The following DACH2 variants were observed in gnomAD, a reference collection of about 807,000 sequenced individuals.
DACH2 encodes dachshund homolog 2.
Under a neutral mutation model 35.8 loss-of-function variants are expected in DACH2, and 17 were observed. That is an observed-to-expected ratio of 0.48 (90% CI 0.33 to 0.71). The LOEUF is 0.71. Ranked by LOEUF, DACH2 falls within the 30% of genes least tolerant of loss-of-function variation. The pLI is 0.02. For synonymous variants in DACH2, 195 were observed against 177.3 expected (o/e 1.10, Z -0.79); for missense variants, 469 against 472.7 (o/e 0.99, Z 0.07).
chrX:86,575,832 G>T (rs770599741), intron 3 of DACH2, among the ~76,000 whole-genome samples: 6 of 111,452 alleles, frequency 5.4e-5, no homozygotes, highest in Non-Finnish European at 9.4e-5. Flanking sequence ...ATAGATGGTA[G>T]CCTCCCCTCA....
intron 7 of DACH2, among the ~76,000 whole-genome samples, chrX:86,773,077 A>G (rs996266115): frequency 2.7e-5 from 3 of 111,588 alleles, no homozygotes; most frequent in African/African-American, 9.7e-5. Flanking sequence ...AATTATTTGT[A>G]ACTAAACCGG....
intron 1 of DACH2, among the ~76,000 whole-genome samples, chrX:86,198,659 A>G (rs1293746413): frequency 8.9e-6 from 1 of 111,791 alleles, no homozygotes; most frequent in African/African-American, 3.2e-5. Flanking sequence ...AAACCAGAAA[A>G]TCTAGAAGAA....
At chrX:86,737,161 T>C (rs1159667651) in intron 6 of DACH2, among the ~76,000 whole-genome samples, 1 of 112,022 alleles carries the variant, frequency 8.9e-6, no homozygotes, top group Non-Finnish European at 1.9e-5. Flanking sequence ...TGTATGGATA[T>C]TGCTGTCAGT....
chrX:86,399,923 G>T (rs2036388789), intron 2 of DACH2, among the ~76,000 whole-genome samples: 1 of 111,347 alleles, frequency 9.0e-6, no homozygotes, highest in South Asian at 3.8e-4. Context: ...TTTGAGTGTT[G>T]GCCTGCCTTG....
chrX:86,588,190 CT>C (rs1483883925), intron 3 of DACH2, among the ~76,000 whole-genome samples: 2 of 110,231 alleles, frequency 1.8e-5, no homozygotes, highest in African/African-American at 3.3e-5. Context: ...GGGGTGCAGC[CT>C]TTTTTCTAGG....
At chrX:86,320,048 A>G in intron 1 of DACH2, among the ~76,000 whole-genome samples, 1 of 111,814 alleles carries the variant, frequency 8.9e-6, no homozygotes. Flanking sequence ...CTCTAATTCC[A>G]GGAGTTCCAT....
chrX:86,505,995 T>C (rs933826392), intron 2 of DACH2, among the ~76,000 whole-genome samples: 1 of 111,948 alleles, frequency 8.9e-6, no homozygotes, highest in Non-Finnish European at 1.9e-5. Flanking sequence ...CAGCTCAATA[T>C]GGCCAAACTA....
At chrX:86,784,056 G>A (rs1464228989) in intron 7 of DACH2, among the ~76,000 whole-genome samples, 1 of 110,252 alleles carries the variant, frequency 9.1e-6, no homozygotes, top group Non-Finnish European at 1.9e-5. Context: ...TCTCCATGAT[G>A]TGCTTATTTC....
intron 1 of DACH2, among the ~76,000 whole-genome samples, chrX:86,305,750 A>T (rs375890614): frequency 9.0e-6 from 1 of 111,575 alleles, no homozygotes; most frequent in Non-Finnish European, 1.9e-5. Context: ...AAACACCCTA[A>T]ATAATCTGAT....
At chrX:86,643,446 G>C (rs999586955) in intron 3 of DACH2, among the ~76,000 whole-genome samples, 2 of 109,437 alleles carry the variant, frequency 1.8e-5, no homozygotes, top group Non-Finnish European at 3.8e-5. Flanking sequence ...GACCAATAAC[G>C]AGCTCTGAAA....
At position 86,255,889 on chromosome X, in the gene DACH2, C is replaced by T. The variant is rs189067354; in HGVS notation, c.488+106781C>T. ...CACACATAATTAACACAAAAAATTT[C>T]CAACAAAATATATAAATTATAACAT... is the stretch of plus-strand genomic sequence containing the variant. On this transcript the variant is annotated intron_variant, in intron 1 of 11. Transcript: ENST00000373125. 1.1e-3 allele frequency among the ~76,000 whole-genome samples: 121 copies of T among 110,997 alleles called. 1 individual carries two copies. The East Asian group carries it at 0.03, about 28-fold the overall frequency.
At chrX:86,765,697 G>GTTTT (rs2041925172) in intron 7 of DACH2, among the ~76,000 whole-genome samples, 112 of 35,124 alleles carry the variant, frequency 3.2e-3, no homozygotes, top group East Asian at 6.0e-3. Context: ...GTTGTTTTTT[G>GTTTT]GTTTTTTTTT....
At chrX:86,252,844 A>T (rs1481614677) in intron 1 of DACH2, among the ~76,000 whole-genome samples, 1 of 110,637 alleles carries the variant, frequency 9.0e-6, no homozygotes, top group South Asian at 3.8e-4. Context: ...TTGTTTCTGT[A>T]TGAATTTTAG....
At chrX:86,514,767 G>T (rs997894956) in intron 3 of DACH2, among the ~76,000 whole-genome samples, 5 of 111,116 alleles carry the variant, frequency 4.5e-5, no homozygotes, top group Admixed American at 1.9e-4. Context: ...AGTTTCCAGT[G>T]GTTCTGGGCA....
chrX:86,735,513 T>C (rs755990641), intron 6 of DACH2, among the ~76,000 whole-genome samples: 2 of 111,999 alleles, frequency 1.8e-5, no homozygotes, highest in African/African-American at 6.4e-5. Flanking sequence ...AGGAAGGGAT[T>C]GTATGTACTA....
chrX:86,661,473 T>C (rs958220760), intron 4 of DACH2, among the ~76,000 whole-genome samples: 2 of 112,705 alleles, frequency 1.8e-5, no homozygotes, highest in Non-Finnish European at 3.8e-5. Context: ...TTACTTGGAA[T>C]AATGTTTTTA....
At chrX:86,535,206 A>G (rs2038780348) in intron 3 of DACH2, among the ~76,000 whole-genome samples, 2 of 111,318 alleles carry the variant, frequency 1.8e-5, no homozygotes, top group African/African-American at 6.5e-5. Context: ...TTTAGTATTT[A>G]CTCACCGTCT....
chrX:86,545,414 GA>G (rs1196751465), intron 3 of DACH2, among the ~76,000 whole-genome samples: 1 of 110,901 alleles, frequency 9.0e-6, no homozygotes, highest in African/African-American at 3.3e-5. Context: ...GGTGGAGGGT[GA>G]AGATAAAAAA....
At chrX:86,287,370 T>C (rs1434865577) in intron 1 of DACH2, among the ~76,000 whole-genome samples, 1 of 111,352 alleles carries the variant, frequency 9.0e-6, no homozygotes, top group African/African-American at 3.3e-5. Flanking sequence ...TTAGTCTTCT[T>C]TGGGATAAAT....
Sources: allele counts gnomAD v4.1 joint callset (sites outside exome capture counted in the v4.1 genomes callset), GRCh38; gene constraint gnomAD v4.1.1; transcripts MANE v1.5; gene names NCBI Gene and HGNC (gene_info 2026-07-23, HGNC 2026-07-21).